METTL24: variants seen among roughly 807,000 people sequenced by gnomAD.
METTL24 encodes the protein probable methyltransferase-like protein 24.
A neutral mutation model predicts 32.7 loss-of-function variants in METTL24; 29 were observed. The ratio of observed to expected loss-of-function variants is 0.89; its 90% CI spans 0.66 to 1.21. The LOEUF (loss-of-function observed/expected upper bound fraction) is 1.21, where lower values mean the gene tolerates loss of function less well. Ranked by LOEUF, METTL24 falls within the 50% of genes most tolerant of loss-of-function variation. The pLI is 0.00. For missense variants in METTL24, 439 were observed against 468.1 expected, an observed-to-expected ratio of 0.94 and a Z score of 0.57; for synonymous variants, 163 against 179.5, an observed-to-expected ratio of 0.91 and a Z score of 0.73.
At chr6:110,327,512 C>T (rs1772036728) in intron 1 of METTL24, among the ~76,000 whole-genome samples, 1 of 152,194 alleles carries the variant, frequency 6.6e-6, no homozygotes, top group Non-Finnish European at 1.5e-5. Context: ...AATAGAAACA[C>T]CGCAAATAGA....
At chr6:110,330,220 CA>C (rs1371428650) in intron 1 of METTL24, among the ~76,000 whole-genome samples, 1 of 152,190 alleles carries the variant, frequency 6.6e-6, no homozygotes, top group Non-Finnish European at 1.5e-5. Flanking sequence ...GTAGAAGCCA[CA>C]GTGGGGGCCT....
intron 1 of METTL24, among the ~76,000 whole-genome samples, 195 bp from the exon 2 acceptor site, chr6:110,323,067 G>A (rs9487377): frequency 2.6e-5 from 4 of 152,124 alleles, no homozygotes; most frequent in African/African-American, 7.2e-5. Context: ...AAATGAGGCC[G>A]GAGACAGCAC....
At chr6:110,258,117 T>G (rs537570839) in intron 4 of METTL24, among the ~76,000 whole-genome samples, 98 of 152,172 alleles carry the variant, frequency 6.4e-4, no homozygotes, top group African/African-American at 2.2e-3. Context: ...TAACACAGAG[T>G]AAGAGTGCCA....
At chr6:110,258,459 C>T (rs1043278605) in intron 4 of METTL24, among the ~76,000 whole-genome samples, 3 of 152,038 alleles carry the variant, frequency 2.0e-5, no homozygotes, top group Non-Finnish European at 4.4e-5. Context: ...TTTTTGAATA[C>T]CTAGCCTCTA....
chr6:110,296,120 C>T (rs930376647), intron 4 of METTL24, among the ~76,000 whole-genome samples: 1 of 152,152 alleles, frequency 6.6e-6, no homozygotes. Flanking sequence ...TAGAGAAACC[C>T]TCAGGCAGCT....
chr6:110,346,501 TCTC>T lies in METTL24; in HGVS notation c.318+11451_318+11453del, dbSNP rs796162579. Among the ~76,000 whole-genome samples, 285 of 84,900 alleles carry T rather than the reference TCTC, an allele frequency of 3.4e-3. 1 individual carries two copies. Among genetic ancestry groups the T allele is most frequent in the African/African-American group, 0.01 (227 of 22,208 alleles). The allele number at this position is 84,900 out of a possible 152,430, so 55.7% of individuals were successfully genotyped here. On this transcript the variant is annotated intron_variant, in intron 1 of 4. Transcript: ENST00000338882. Reference sequence around the variant, plus strand: ...TTGTCCCTATATTATTCTCTCTCTCTCTCTTTTTTTTTTTTTTTGAGATGGAGT... The same window carrying T: ...TTGTCCCTATATTATTCTCTCTCTCTTTTTTTTTTTTTTTTGAGATGGAGT...
intron 1 of METTL24, among the ~76,000 whole-genome samples, chr6:110,352,684 T>C (rs1772630269): frequency 6.6e-6 from 1 of 152,054 alleles, no homozygotes; most frequent in African/African-American, 2.4e-5. Context: ...AAGAAGCTTA[T>C]CAATGCTGGC....
In METTL24 at chr6:110,292,071, C is replaced by T. The variant is rs982122215; in HGVS notation, c.786+6851G>A. On this transcript the variant is annotated intron_variant, in intron 4 of 4. Transcript: ENST00000338882. The stretch of plus-strand genomic sequence containing the variant: ...CATCAGTACATAAAAATTTGTTTGT[C>T]GTTTTTTTAAGTGGTTTTGTAAGTT... Among the ~76,000 whole-genome samples the T allele has an allele frequency of 2.2e-4, 34 of 152,202 alleles. 1 individual carries two copies. Among genetic ancestry groups the T allele is most frequent in the Admixed American group, 1.2e-3 (19 of 15,276 alleles).
intron 4 of METTL24, among the ~76,000 whole-genome samples, chr6:110,288,070 C>T (rs1771255160): frequency 6.6e-6 from 1 of 152,196 alleles, no homozygotes; most frequent in South Asian, 2.1e-4. Flanking sequence ...CAGTGTCTGT[C>T]CTTCACACCA....
chr6:110,294,951 T>A (rs1381024512), intron 4 of METTL24, among the ~76,000 whole-genome samples: 1 of 151,936 alleles, frequency 6.6e-6, no homozygotes, highest in Admixed American at 6.6e-5. Flanking sequence ...ATTTACCAAT[T>A]TGATAAGTAA....
chr6:110,340,870 C>T (rs1772342362), intron 1 of METTL24, among the ~76,000 whole-genome samples: 2 of 152,050 alleles, frequency 1.3e-5, no homozygotes, highest in Non-Finnish European at 2.9e-5. Flanking sequence ...GTTCCTCTTT[C>T]TTCACTTCTA....
rs188810025 is a variant in METTL24 at position 110,265,485 on chromosome 6, C to A, written c.787-19225G>T. ...TGACTTCTAGCTGACCTCAATGCTG[C>A]GCAGACAAATGACTATATTTTCTAG... On this transcript the variant is annotated intron_variant, in intron 4 of 4. Transcript: ENST00000338882. Among the ~76,000 whole-genome samples the A allele has an allele frequency of 9.8e-5, 15 of 152,304 alleles. No individual in the cohort carries two copies. In the East Asian group the frequency reaches 2.9e-3, roughly 29 times the overall value.
intron 4 of METTL24, among the ~76,000 whole-genome samples, chr6:110,270,332 G>A (rs17071364): frequency 0.09 from 13,607 of 151,644 alleles, 1,121 homozygotes; most frequent in African/African-American, 0.22. Context: ...CAGCCATGAG[G>A]CAATGCAGTT....
chr6:110,295,832 A>AGGAAGGAAGGAG, intron 4 of METTL24, among the ~76,000 whole-genome samples: 1 of 151,092 alleles, frequency 6.6e-6, no homozygotes, highest in South Asian at 2.1e-4. Context: ...GAAGGAAGGA[A>AGGAAGGAAGGAG]GGAAGGAAGG....
At chr6:110,288,583 G>T (rs890340489) in intron 4 of METTL24, among the ~76,000 whole-genome samples, 4 of 152,116 alleles carry the variant, frequency 2.6e-5, no homozygotes, top group African/African-American at 9.7e-5. Flanking sequence ...AGAAAAAGAT[G>T]AAGGTGAGAT....
chr6:110,308,391 A>G (rs1771662489), intron 3 of METTL24, among the ~76,000 whole-genome samples: 1 of 152,218 alleles, frequency 6.6e-6, no homozygotes, highest in African/African-American at 2.4e-5. Context: ...CCAGGAACAA[A>G]AAACTCACAA....
chr6:110,262,227 A>G (rs1364257200), intron 4 of METTL24, among the ~76,000 whole-genome samples: 2 of 152,242 alleles, frequency 1.3e-5, no homozygotes, highest in African/African-American at 4.8e-5. Context: ...TAGCAAGATT[A>G]ATAAAAAAGA....
intron 3 of METTL24, among the ~76,000 whole-genome samples, chr6:110,300,653 T>C (rs1472029195): frequency 6.6e-6 from 1 of 152,058 alleles, no homozygotes; most frequent in Non-Finnish European, 1.5e-5. Flanking sequence ...ACTCCTGACC[T>C]CAGGTGATCC....
chr6:110,279,293 A>T (rs1046863138), intron 4 of METTL24, among the ~76,000 whole-genome samples: 1 of 152,212 alleles, frequency 6.6e-6, no homozygotes, highest in African/African-American at 2.4e-5. Flanking sequence ...CAGACAGATA[A>T]ATAGTGTATC....
Sources: allele counts gnomAD v4.1 joint callset (sites outside exome capture counted in the v4.1 genomes callset), GRCh38; gene constraint gnomAD v4.1.1; transcripts MANE v1.5; gene names NCBI Gene and HGNC (gene_info 2026-07-23, HGNC 2026-07-21).